The following GPR158 variants were observed in gnomAD, a reference collection of about 807,000 sequenced individuals.
GPR158 encodes G protein-coupled receptor 158.
GPR158 carries 30 observed loss-of-function variants against 78.2 expected under a neutral mutation model. The observed-to-expected ratio is 0.38, with a 90% CI of 0.29 to 0.52. The LOEUF is 0.52. Ranked by LOEUF, GPR158 falls within the 20% of genes least tolerant of loss-of-function variation. The pLI, the probability that GPR158 is intolerant of heterozygous loss-of-function variation, is 0.83. For missense variants in GPR158, 1,463 were observed against 1,523.5 expected (o/e 0.96, Z 0.66); for synonymous variants, 581 against 591.1 (o/e 0.98, Z 0.25).
rs562713861 is a variant in GPR158, at chr10:25,438,494, C to T, written c.1335+26021C>T. Among the ~76,000 whole-genome samples, 16 of 152,306 alleles carry T rather than the reference C, an allele frequency of 1.1e-4. No homozygotes were observed. The South Asian group carries it at 3.3e-3, about 32-fold the overall frequency. ...TGGATTTATGAATTCATTCTCCATTCTTCAGCGCATTTACAGCATTGATAT... is the reference window on the plus strand; with the variant it reads ...TGGATTTATGAATTCATTCTCCATTTTTCAGCGCATTTACAGCATTGATAT... On this transcript the variant is annotated intron_variant, in intron 4 of 10. Transcript: ENST00000376351.
At position 25,594,161 on chromosome 10, in the gene GPR158, C is replaced by G. The variant is rs1837373052; in HGVS notation, c.1893-131C>G. On this transcript the variant is annotated intron_variant, in intron 8 of 10. Coordinates refer to ENST00000376351, the MANE Select transcript of GPR158 (RefSeq NM_020752.3). The stretch of plus-strand genomic sequence containing the variant: ...TATTCTTTTGAGATGAAAATATATG[C>G]CATAGAAATAGTAATACAATTTCCT... The G allele has an allele frequency of 6.6e-6, 4 of 604,700 alleles. No individual in the cohort carries two copies. In the South Asian group the frequency reaches 7.8e-5, roughly 12 times the overall value. The allele number at this position is 604,700 out of a possible 1,614,324, so 37.5% of individuals were successfully genotyped here.
intron 2 of GPR158, among the ~76,000 whole-genome samples, chr10:25,311,769 T>C (rs887964648): frequency 6.6e-6 from 1 of 152,026 alleles, no homozygotes; most frequent in Non-Finnish European, 1.5e-5. Flanking sequence ...CTCAGAATAT[T>C]CCAAATGTTC....
chr10:25,537,111 T>G (rs1260531989), intron 5 of GPR158, among the ~76,000 whole-genome samples: 1 of 152,228 alleles, frequency 6.6e-6, no homozygotes, highest in Non-Finnish European at 1.5e-5. Context: ...AAGTAGACAA[T>G]GCATTCAAGA....
chr10:25,360,300 G>T (rs1393886659), intron 2 of GPR158, among the ~76,000 whole-genome samples: 2 of 152,124 alleles, frequency 1.3e-5, no homozygotes, highest in Admixed American at 1.3e-4. Context: ...ATTGCTTTTG[G>T]TGTTTTAGTC....
chr10:25,280,375 A>G (rs1854250631), intron 2 of GPR158, among the ~76,000 whole-genome samples: 1 of 152,212 alleles, frequency 6.6e-6, no homozygotes, highest in African/African-American at 2.4e-5. Flanking sequence ...TGTTGGTTAT[A>G]AAGAGTCACT....
intron 4 of GPR158, among the ~76,000 whole-genome samples, chr10:25,429,275 AT>A (rs1834864091): frequency 6.6e-6 from 1 of 152,052 alleles, no homozygotes. Flanking sequence ...ATTCTTACCA[AT>A]TTTTACTTTT....
chr10:25,497,632 T>A (rs1008098853), intron 5 of GPR158, among the ~76,000 whole-genome samples: 3 of 152,204 alleles, frequency 2.0e-5, no homozygotes, highest in Non-Finnish European at 4.4e-5. Flanking sequence ...TTGGATTTTT[T>A]TTCATTTATC....
chr10:25,474,583 C>A (rs943662697), intron 5 of GPR158, among the ~76,000 whole-genome samples: 2 of 152,148 alleles, frequency 1.3e-5, no homozygotes, highest in Admixed American at 1.3e-4. Context: ...ACACTTGTTT[C>A]AATTTGTAAT....
chr10:25,451,848 T>C (rs1009215337), intron 4 of GPR158, among the ~76,000 whole-genome samples: 1 of 152,186 alleles, frequency 6.6e-6, no homozygotes, highest in African/African-American at 2.4e-5. Context: ...ATTACCACAT[T>C]TATTACTAAC....
At chr10:25,220,943 A>T in intron 1 of GPR158, 109 bp from the exon 2 acceptor site, 1 of 664,938 alleles carries the variant, frequency 1.5e-6, no homozygotes, top group Non-Finnish European at 2.5e-6. Flanking sequence ...AGGCAATTTG[A>T]CAATTTTTGG....
intron 2 of GPR158, among the ~76,000 whole-genome samples, chr10:25,249,573 G>A (rs1326282777): frequency 1.3e-5 from 2 of 151,874 alleles, no homozygotes; most frequent in African/African-American, 4.8e-5. Context: ...AGATAATCAT[G>A]TGGATTTTGT....
chr10:25,559,746 T>C (rs1031074882), intron 6 of GPR158, among the ~76,000 whole-genome samples: 2 of 152,356 alleles, frequency 1.3e-5, no homozygotes, highest in South Asian at 4.1e-4. Context: ...ATAGTGTTTA[T>C]AACTAGTGCT....
intron 2 of GPR158, among the ~76,000 whole-genome samples, chr10:25,308,587 T>G (rs1420086522): frequency 6.6e-6 from 1 of 152,184 alleles, no homozygotes; most frequent in African/African-American, 2.4e-5. Flanking sequence ...CTTAACAGTT[T>G]TCAAGTACAC....
At chr10:25,586,307 C>T (rs1265146659) in intron 7 of GPR158, among the ~76,000 whole-genome samples, 1 of 150,380 alleles carries the variant, frequency 6.6e-6, no homozygotes, top group Non-Finnish European at 1.5e-5. Flanking sequence ...GAAGGCTGTG[C>T]AGTAAGATAG....
At chr10:25,225,307 T>C (rs1029385969) in intron 2 of GPR158, among the ~76,000 whole-genome samples, 2 of 151,826 alleles carry the variant, frequency 1.3e-5, no homozygotes, top group African/African-American at 2.4e-5. Context: ...CAGCATCTCA[T>C]GAAGAATCAT....
chr10:25,218,581 A>G (rs138179073), intron 1 of GPR158, among the ~76,000 whole-genome samples: 2 of 152,292 alleles, frequency 1.3e-5, no homozygotes, highest in East Asian at 3.9e-4. Flanking sequence ...AACGAGTAGA[A>G]ATGCCTATTG....
intron 5 of GPR158, among the ~76,000 whole-genome samples, chr10:25,484,412 C>A (rs1267476167): frequency 6.6e-6 from 1 of 152,202 alleles, no homozygotes; most frequent in African/African-American, 2.4e-5. Context: ...AAACCACCAT[C>A]ATTGCAGAGA....
At chr10:25,452,817 A>G (rs1293132062) in intron 4 of GPR158, among the ~76,000 whole-genome samples, 1 of 152,226 alleles carries the variant, frequency 6.6e-6, no homozygotes, top group East Asian at 1.9e-4. Flanking sequence ...CATTCTGTAT[A>G]TTAGATCCTC....
intron 2 of GPR158, among the ~76,000 whole-genome samples, chr10:25,248,121 G>A (rs1244778487): frequency 2.0e-5 from 3 of 152,002 alleles, no homozygotes; most frequent in South Asian, 2.1e-4. Context: ...CTTCTTTTGA[G>A]AAGTGTCTGT....
Sources: allele counts gnomAD v4.1 joint callset (sites outside exome capture counted in the v4.1 genomes callset), GRCh38; gene constraint gnomAD v4.1.1; transcripts MANE v1.5; gene names NCBI Gene and HGNC (gene_info 2026-07-23, HGNC 2026-07-21).